TSPAN2: variants seen among roughly 807,000 people sequenced by gnomAD.
TSPAN2 encodes the protein tetraspanin 2.
A neutral mutation model predicts 33.3 loss-of-function variants in TSPAN2; 24 were observed. The observed-to-expected ratio is 0.72, with a 90% CI of 0.52 to 1.01. TSPAN2 has a LOEUF of 1.01. Among genes scored for constraint, TSPAN2 ranks in the 50% least tolerant of loss-of-function variants. The pLI, the probability that TSPAN2 is intolerant of heterozygous loss-of-function variation, is 0.00. For synonymous variants in TSPAN2, 114 were observed against 104.5 expected (o/e 1.09, Z -0.56); for missense variants, 278 against 281.3 (o/e 0.99, Z 0.08).
At chr1:115,059,341 A>C (rs1479500848) in intron 4 of TSPAN2, among the ~76,000 whole-genome samples, 1 of 152,206 alleles carries the variant, frequency 6.6e-6, no homozygotes. Flanking sequence ...TATGGAGAAG[A>C]TTATAGTTTC....
In TSPAN2 at chr1:115,089,470, C is replaced by G. The variant is rs775320418; in HGVS notation, c.-38G>C. ...CGGCGGGATCCCCAGTCCCCAGGCC[C>G]GCGCTACGAGCGCGGGGAGCGGCAG... is the stretch of plus-strand genomic sequence containing the variant. On this transcript the variant is annotated 5_prime_UTR_variant, in exon 1 of 8. Coordinates refer to ENST00000369516, the MANE Select transcript of TSPAN2 (RefSeq NM_005725.6). The G allele has an allele frequency of 6.3e-6, 9 of 1,423,766 alleles. No individual in the cohort carries two copies. Among genetic ancestry groups the G allele is most frequent in the Admixed American group, 5.1e-5 (2 of 39,494 alleles). The allele number at this position is 1,423,766 out of a possible 1,614,324, so 88.2% of individuals were successfully genotyped here. A position where few individuals can be genotyped will look rare whatever the true frequency, so the allele number is the denominator to read the frequency against.
chr1:115,057,475 A>G (rs543125296), intron 6 of TSPAN2, 62 bp downstream of exon 6: 58 of 1,506,312 alleles, frequency 3.9e-5, no homozygotes, highest in East Asian at 3.6e-4. Flanking sequence ...TCTACCTTCA[A>G]TGGCTTCCTA....
chr1:115,051,896 C>T (rs933449633), intron 7 of TSPAN2, among the ~76,000 whole-genome samples: 3 of 152,160 alleles, frequency 2.0e-5, no homozygotes, highest in Non-Finnish European at 4.4e-5. Flanking sequence ...AACGAAGAAA[C>T]CTGGGGGTGC....
intron 2 of TSPAN2, 27 bp from the exon 3 acceptor site, chr1:115,062,259 A>G (rs1157755863): frequency 6.4e-7 from 1 of 1,554,378 alleles, no homozygotes; most frequent in Admixed American, 1.9e-5. Flanking sequence ...AGAGGAGACC[A>G]CTGAGAGCCA....
chr1:115,062,069 G>A, intron 3 of TSPAN2, 66 bp downstream of exon 3: 4 of 1,367,328 alleles, frequency 2.9e-6, no homozygotes, highest in Non-Finnish European at 4.1e-6. Flanking sequence ...CAGAGGCACT[G>A]ACTCCCTTCA....
rs1647890665 is a variant in TSPAN2 at position 115,065,051 on chromosome 1, T to C, written c.173-2819A>G. 2.0e-5 allele frequency among the ~76,000 whole-genome samples: 3 copies of C among 152,338 alleles called. No homozygotes were observed. In the South Asian group the frequency reaches 6.2e-4, roughly 32 times the overall value. On this transcript the variant is annotated intron_variant, in intron 2 of 7. Transcript: ENST00000369516. The stretch of plus-strand genomic sequence containing the variant: ...CCCAGAGCTCACGGCAAAAACAACC[T>C]GAAGCTGCCCTAGCAGCTTCAACTT...
At chr1:115,056,862 C>A (rs1355030579) in intron 6 of TSPAN2, among the ~76,000 whole-genome samples, 1 of 152,168 alleles carries the variant, frequency 6.6e-6, no homozygotes, top group Admixed American at 6.5e-5. Flanking sequence ...ACAGCAGCAC[C>A]TGGGCCTGGT....
At chr1:115,074,950 T>A (rs1648344221) in intron 1 of TSPAN2, among the ~76,000 whole-genome samples, 1 of 152,002 alleles carries the variant, frequency 6.6e-6, no homozygotes, top group Non-Finnish European at 1.5e-5. Flanking sequence ...CACGCCCTCA[T>A]CTCTGTGGCG....
At chr1:115,057,422 G>T in intron 6 of TSPAN2, 115 bp downstream of exon 6, 2 of 982,198 alleles carry the variant, frequency 2.0e-6, no homozygotes, top group South Asian at 1.3e-5. Flanking sequence ...CCTCTATGCT[G>T]CCACTAGAGC....
In TSPAN2 at chr1:115,057,575, C is replaced by A; in HGVS notation, c.478G>T (p.Val160Phe). ...QCCGKESSEQ[V>F]QPTCPKELLG... Reference sequence around the variant, plus strand: ...AGCTCCTTTGGGCATGTAGGTTGGACCTGTTCGGAGCTTTCTTTTCCACAG... The same window carrying A: ...AGCTCCTTTGGGCATGTAGGTTGGAACTGTTCGGAGCTTTCTTTTCCACAG... The change falls in exon 6 of 8, where the codon GTC becomes TTC. Residue 160 changes from valine (V) to phenylalanine (F), a missense_variant. By Grantham distance (50) the Val-to-Phe change is conservative (BLOSUM62 -1). Coordinates refer to ENST00000369516, the MANE Select transcript of TSPAN2 (RefSeq NM_005725.6). 6.2e-7 allele frequency: 1 copy of A among 1,614,118 alleles called. No individual in the cohort carries two copies. Among genetic ancestry groups the A allele is most frequent in the Non-Finnish European group, 8.5e-7 (1 of 1,179,996 alleles).
chr1:115,073,069 G>C, intron 1 of TSPAN2, 62 bp from the exon 2 acceptor site: 1 of 1,419,656 alleles, frequency 7.0e-7, no homozygotes, highest in Admixed American at 1.7e-5. Flanking sequence ...AGATCCGAGA[G>C]CAGGCTCTAG....
rs892237588 is a variant in TSPAN2, at chr1:115,048,417, C to T, written c.*2073G>A. Reference sequence around the variant, plus strand: ...GGAATTCTCTAATTTTACTCATACGCATATTTTGGAAAGCTTATCTCCAAA... The same window carrying T: ...GGAATTCTCTAATTTTACTCATACGTATATTTTGGAAAGCTTATCTCCAAA... On this transcript the variant is annotated 3_prime_UTR_variant, in exon 8 of 8. Transcript: ENST00000369516. 1 of 151,580 alleles carries T rather than the reference C, an allele frequency of 6.6e-6. No homozygotes were observed. The highest frequency in any genetic ancestry group is 2.4e-5 in the African/African-American group (1 of 41,334). The allele number at this position is 151,580 out of a possible 1,614,324, so 9.4% of individuals were successfully genotyped here. A position where few individuals can be genotyped will look rare whatever the true frequency, so the allele number is the denominator to read the frequency against.
intron 1 of TSPAN2, among the ~76,000 whole-genome samples, chr1:115,087,739 G>C (rs117508137): frequency 6.6e-6 from 1 of 152,238 alleles, no homozygotes; most frequent in East Asian, 1.9e-4. Flanking sequence ...AAAAAATGGG[G>C]ATAATAATAG....
chr1:115,089,478 G>A lies in TSPAN2; in HGVS notation c.-46C>T, dbSNP rs761404135. The A allele has an allele frequency of 2.2e-6, 3 of 1,365,232 alleles. No individual in the cohort carries two copies. Among genetic ancestry groups the A allele is most frequent in the Non-Finnish European group, 2.9e-6 (3 of 1,045,128 alleles). The allele number at this position is 1,365,232 out of a possible 1,614,324, so 84.6% of individuals were successfully genotyped here. On this transcript the variant is annotated 5_prime_UTR_variant, in exon 1 of 8. Coordinates refer to ENST00000369516, the MANE Select transcript of TSPAN2 (RefSeq NM_005725.6). ...TCCCCAGTCCCCAGGCCCGCGCTAC[G>A]AGCGCGGGGAGCGGCAGGCTCCGGC...
At chr1:115,062,881 C>A (rs1454235942) in intron 2 of TSPAN2, among the ~76,000 whole-genome samples, 2 of 152,178 alleles carry the variant, frequency 1.3e-5, no homozygotes, top group Non-Finnish European at 2.9e-5. Context: ...GCGGGCAGAT[C>A]TGGCAGTTTA....
In TSPAN2 at chr1:115,048,871, T is replaced by G. The variant is rs1675232566; in HGVS notation, c.*1619A>C. 6.6e-6 allele frequency: 1 copy of G among 152,156 alleles called. No homozygotes were observed. The highest frequency in any genetic ancestry group is 2.1e-4 in the South Asian group (1 of 4,830). The allele number at this position is 152,156 out of a possible 1,614,324, so 9.4% of individuals were successfully genotyped here. A position where few individuals can be genotyped will look rare whatever the true frequency, so the allele number is the denominator to read the frequency against. On this transcript the variant is annotated 3_prime_UTR_variant, in exon 8 of 8. Coordinates refer to ENST00000369516, the MANE Select transcript of TSPAN2 (RefSeq NM_005725.6). ...CCTTTGTTCTTCTAGAAAAATTTCC[T>G]CCAAAATCAGTAGCAGTAGCAAGTA...
At chr1:115,084,105 G>A (rs1456516306) in intron 1 of TSPAN2, among the ~76,000 whole-genome samples, 1 of 152,132 alleles carries the variant, frequency 6.6e-6, no homozygotes, top group Non-Finnish European at 1.5e-5. Context: ...TGCCTGCTTT[G>A]TTGTGACTTT....
intron 6 of TSPAN2, among the ~76,000 whole-genome samples, chr1:115,056,524 C>G (rs536352603): frequency 2.0e-5 from 3 of 152,300 alleles, no homozygotes; most frequent in African/African-American, 7.2e-5. Flanking sequence ...GCTGGTCTCT[C>G]GGCACGCAGG....
At chr1:115,083,678 G>C (rs536055391) in intron 1 of TSPAN2, among the ~76,000 whole-genome samples, 146 of 152,326 alleles carry the variant, frequency 9.6e-4, no homozygotes, top group African/African-American at 3.2e-3. Context: ...AAGTTTGAGA[G>C]GCACTGATCA....
Sources: allele counts gnomAD v4.1 joint callset (sites outside exome capture counted in the v4.1 genomes callset), GRCh38; gene constraint gnomAD v4.1.1; transcripts MANE v1.5; gene names NCBI Gene and HGNC (gene_info 2026-07-23, HGNC 2026-07-21).